E2F8: variants seen among roughly 807,000 people sequenced by gnomAD.
The protein encoded by E2F8 is transcription factor E2F8.
In E2F8, 35 loss-of-function variants were observed where a neutral mutation model predicts 80.8. That is an observed-to-expected ratio of 0.43 (90% CI 0.33 to 0.57). The LOEUF is 0.57. E2F8 is among the 20% of genes least tolerant of loss of function. The pLI, the probability that E2F8 is intolerant of heterozygous loss-of-function variation, is 0.04. For synonymous variants in E2F8, 386 were observed against 395.0 expected (o/e 0.98, Z 0.27); for missense variants, 975 against 1,056.2 (o/e 0.92, Z 1.07).
intron 10 of E2F8, chr11:19,226,168 A>G: frequency 3.2e-6 from 1 of 311,292 alleles, no homozygotes; most frequent in Non-Finnish European, 6.0e-6. Context: ...CCACTCTTAA[A>G]CTGATAACTT....
intron 9 of E2F8, 57 bp from the exon 10 acceptor site, chr11:19,230,045 C>G (rs987208560): frequency 9.4e-6 from 15 of 1,600,704 alleles, no homozygotes; most frequent in Non-Finnish European, 1.3e-5. Flanking sequence ...CTGAACTGTT[C>G]TACCGCTTTA....
chr11:19,231,522 T>C (rs1851381184), intron 7 of E2F8, among the ~76,000 whole-genome samples: 1 of 152,200 alleles, frequency 6.6e-6, no homozygotes, highest in Non-Finnish European at 1.5e-5. Context: ...TCTGTCTTCA[T>C]GGCCCACGTT....
chr11:19,229,643 A>G lies in E2F8; in HGVS notation c.1704T>C (p.Asn568=), dbSNP rs1851320604. The change falls in exon 10 of 13, where the codon AAT becomes AAC. Residue 568 remains asparagine, a synonymous_variant. Transcript: ENST00000250024. This position sits in a 1 kb window ranked among gnomAD's most constrained non-coding sequence, Gnocchi z 4.3. ...STDATTEKAA[N]DTSKASASTR... The stretch of plus-strand genomic sequence containing the variant: ...TAGAGGCACTGGCCTTTGAGGTATC[A>G]TTGGCTGCCTTCTCAGTGGTGGCAT... 1 of 1,613,668 alleles carries G rather than the reference A, an allele frequency of 6.2e-7. No homozygotes were observed. The highest frequency in any genetic ancestry group is 1.3e-5 in the African/African-American group (1 of 74,778).
chr11:19,231,478 A>G (rs934821933), intron 7 of E2F8, among the ~76,000 whole-genome samples: 1 of 152,212 alleles, frequency 6.6e-6, no homozygotes, highest in Non-Finnish European at 1.5e-5. Context: ...GCAAAGCCAG[A>G]GTGGCAGGGC....
In E2F8 at chr11:19,233,267, G is replaced by C. The variant is rs979429281; in HGVS notation, c.929-896C>G. ...GTAATGGTGAGGGCATAGCTCTTTT[G>C]TTAGGAATCCAATCTACAGTCCCTT... On this transcript the variant is annotated intron_variant, in intron 6 of 12. Coordinates refer to ENST00000250024, the MANE Select transcript of E2F8 (RefSeq NM_024680.4). Among the ~76,000 whole-genome samples the C allele has an allele frequency of 2.0e-5, 3 of 152,160 alleles. No individual in the cohort carries two copies. The South Asian group carries it at 6.2e-4, about 32-fold the overall frequency.
intron 4 of E2F8, among the ~76,000 whole-genome samples, chr11:19,236,390 A>G (rs1412724864): frequency 6.6e-6 from 1 of 152,114 alleles, no homozygotes; most frequent in Non-Finnish European, 1.5e-5. Flanking sequence ...TATTATCCTT[A>G]CTTACTTCCT....
chr11:19,234,642 T>C, intron 5 of E2F8, 102 bp downstream of exon 5: 1 of 1,527,826 alleles, frequency 6.5e-7, no homozygotes, highest in Non-Finnish European at 8.8e-7. Context: ...CATCTGAACA[T>C]TAAAGGCAGC....
intron 10 of E2F8, among the ~76,000 whole-genome samples, chr11:19,228,164 C>T (rs2133558224): frequency 6.6e-6 from 1 of 152,210 alleles, no homozygotes; most frequent in East Asian, 1.9e-4. Context: ...CACTGAAAAT[C>T]CTAATCCTGA....
Position 19,225,380 on chromosome 11 carries a change from AGGGCTG to A in E2F8, c.2256_2261del (p.Ser753_Pro754del). On this transcript the variant is annotated inframe_deletion, in exon 12 of 13. Transcript: ENST00000250024. ...GAGACACAGGAACGATTCCAGACCC[AGGGCTG>A]GCAGACAACTGCACATTGGGTGAGA... is the stretch of plus-strand genomic sequence containing the variant. 6.2e-7 allele frequency: 1 copy of A among 1,614,180 alleles called. No homozygotes were observed. The highest frequency in any genetic ancestry group is 8.5e-7 in the Non-Finnish European group (1 of 1,180,028).
At chr11:19,236,905 C>G (rs1851533970) in intron 4 of E2F8, among the ~76,000 whole-genome samples, 1 of 152,342 alleles carries the variant, frequency 6.6e-6, no homozygotes, top group South Asian at 2.1e-4. Context: ...CAGGAGTGCA[C>G]AGGTCCTGTT....
In E2F8 at chr11:19,229,790, TGGGCCTGAAG is replaced by T. The variant is rs1851326806; in HGVS notation, c.1547_1556del (p.Pro516HisfsTer16). The T allele has an allele frequency of 6.2e-7, 1 of 1,614,046 alleles. No homozygotes were observed. The highest frequency in any genetic ancestry group is 1.1e-5 in the South Asian group (1 of 91,058). ...TGGGCTGCAGGTAGATGGCATAGGA[TGGGCCTGAAG>T]GGGCCTGAGGTAGGATCAGGGGCAC... On this transcript the variant is annotated frameshift_variant, in exon 10 of 13. Coordinates refer to ENST00000250024, the MANE Select transcript of E2F8 (RefSeq NM_024680.4). LOFTEE classifies it high-confidence loss of function. The surrounding 1 kb of genome is among the most constrained non-coding windows in gnomAD (Gnocchi z 4.3).
intron 5 of E2F8, 35 bp downstream of exon 5, chr11:19,234,709 C>T (rs1224005315): frequency 6.3e-7 from 1 of 1,579,896 alleles, no homozygotes; most frequent in Admixed American, 1.8e-5. Context: ...AGGACAAATG[C>T]CATGCCGCCT....
rs11025068 is a variant in E2F8 at position 19,240,250 on chromosome 11, A to T, written c.-109-20T>A. 114,412 of 503,582 alleles carry T rather than the reference A, an allele frequency of 0.23. 14,015 individuals are homozygous for T. Among genetic ancestry groups the T allele is most frequent in the African/African-American group, 0.35 (17,703 of 50,750 alleles). The allele number at this position is 503,582 out of a possible 1,614,324, so 31.2% of individuals were successfully genotyped here. ...AATATCCTTAAAGAAAAAAGGAAATAGAAAAAGTTAGAGAAAAACAAGAAC... is the reference window on the plus strand; with the variant it reads ...AATATCCTTAAAGAAAAAAGGAAATTGAAAAAGTTAGAGAAAAACAAGAAC... On this transcript the variant is annotated intron_variant, in intron 1 of 12. Transcript: ENST00000250024.
At position 19,229,676 on chromosome 11, in the gene E2F8, G is replaced by C; in HGVS notation, c.1671C>G (p.Asp557Glu). Reference protein sequence around the residue: ...THSSKATGSKDSTDATTEKAA... With the variant: ...THSSKATGSKESTDATTEKAA... ...CCTTCTCAGTGGTGGCATCTGTGGA[G>C]TCTTTTGAGCCAGTAGCTTTAGAAG... The change falls in exon 10 of 13, where the codon GAC (aspartate) becomes GAG (glutamate). Residue 557 changes from aspartate to glutamate, a missense_variant. Asp to Glu is a conservative substitution (Grantham distance 45, BLOSUM62 2). Coordinates refer to ENST00000250024, the MANE Select transcript of E2F8 (RefSeq NM_024680.4). This position sits in a 1 kb window ranked among gnomAD's most constrained non-coding sequence, Gnocchi z 4.3. The C allele has an allele frequency of 2.5e-6, 4 of 1,614,198 alleles. No individual in the cohort carries two copies. In the Middle Eastern group the frequency reaches 6.6e-4, roughly 266 times the overall value.
At chr11:19,225,019 G>C in intron 12 of E2F8, 179 bp from the exon 13 acceptor site, 1 of 1,120,002 alleles carries the variant, frequency 8.9e-7, no homozygotes, top group Non-Finnish European at 1.3e-6. Flanking sequence ...TTAGGGGAGA[G>C]ACAAAAATCT....
chr11:19,228,459 C>T (rs1851290011), intron 10 of E2F8, among the ~76,000 whole-genome samples: 1 of 152,196 alleles, frequency 6.6e-6, no homozygotes, highest in African/African-American at 2.4e-5. Flanking sequence ...TGTGTATCAT[C>T]ATGGAATAAA....
chr11:19,241,225 G>T (rs1213534201), upstream of E2F8, among the ~76,000 whole-genome samples: 2 of 152,122 alleles, frequency 1.3e-5, no homozygotes, highest in Non-Finnish European at 2.9e-5. The surrounding 1 kb of genome is among the most constrained non-coding windows in gnomAD (Gnocchi z 4.5). Flanking sequence ...CCGGAACCAC[G>T]GCAACCCCGC....
intron 7 of E2F8, among the ~76,000 whole-genome samples, chr11:19,231,188 A>T (rs1157482916): frequency 1.3e-5 from 2 of 152,186 alleles, no homozygotes; most frequent in African/African-American, 2.4e-5. Context: ...CAGCTCCATG[A>T]GGTAACTGTT....
Position 19,240,207 on chromosome 11 carries a change from A to G in E2F8, c.-86T>C, listed in dbSNP as rs1167342419. The G allele has an allele frequency of 8.4e-6, 7 of 836,766 alleles. No homozygotes were observed. The highest frequency in any genetic ancestry group is 3.5e-5 in the African/African-American group (2 of 56,862). 51.8% of individuals were successfully genotyped at this position (836,766 alleles called of 1,614,324 possible). A position where few individuals can be genotyped will look rare whatever the true frequency, so the allele number is the denominator to read the frequency against. ...TCCCGATGGTTCAAGTAGTCCAATC[A>G]ATTGTACTAAAAGTTTTAATATCCT... On this transcript the variant is annotated 5_prime_UTR_variant, in exon 2 of 13. Transcript: ENST00000250024.
Sources: gnomAD v4.1 joint callset for allele counts (sites outside exome capture counted in the v4.1 genomes callset) on GRCh38, gnomAD v4.1.1 for gene constraint, Gnocchi (gnomAD v3.1) non-coding constraint, MANE v1.5 for transcripts, NCBI Gene and HGNC (gene_info 2026-07-23, HGNC 2026-07-21) for gene names.